ATP2A2: variants seen among roughly 807,000 people sequenced by gnomAD.
ATP2A2 encodes the protein ATPase sarcoplasmic/endoplasmic reticulum Ca2+ transporting 2.
ATP2A2 carries 14 observed loss-of-function variants against 109.3 expected under a neutral mutation model. The observed-to-expected ratio is 0.13, with a 90% CI of 0.08 to 0.20. ATP2A2 has a LOEUF of 0.20. Ranked by LOEUF, ATP2A2 falls within the 10% of genes least tolerant of loss-of-function variation. The pLI, the probability that ATP2A2 is intolerant of heterozygous loss-of-function variation, is 1.00. For missense variants in ATP2A2, 657 were observed against 1,321.6 expected (o/e 0.50, Z 7.80); for synonymous variants, 506 against 490.9 (o/e 1.03, Z -0.41).
chr12:110,335,658 G>A (rs1166228494), intron 11 of ATP2A2, among the ~76,000 whole-genome samples: 1 of 152,190 alleles, frequency 6.6e-6, no homozygotes, highest in African/African-American at 2.4e-5. Context: ...TGGGTCAGTC[G>A]GTCACGTGGG....
At chr12:110,281,945 G>A in intron 1 of ATP2A2, 38 bp downstream of exon 1, 1 of 1,508,514 alleles carries the variant, frequency 6.6e-7, no homozygotes, top group Non-Finnish European at 8.9e-7. Context: ...GCCCGGCGCG[G>A]CCGGGAGAGC....
chr12:110,295,452 A>G (rs748140555), intron 4 of ATP2A2, among the ~76,000 whole-genome samples: 1 of 152,182 alleles, frequency 6.6e-6, no homozygotes, highest in African/African-American at 2.4e-5. Context: ...GGCATGAGCT[A>G]CTGTGCTCAG....
At chr12:110,314,866 C>CTTT (rs372770725) in intron 5 of ATP2A2, among the ~76,000 whole-genome samples, 1 of 139,092 alleles carries the variant, frequency 7.2e-6, no homozygotes, top group African/African-American at 2.6e-5. Context: ...AGAAGATACA[C>CTTT]TTTTTTTTTT....
At chr12:110,332,511 T>G in intron 8 of ATP2A2, 86 bp from the exon 9 acceptor site, 1 of 1,168,718 alleles carries the variant, frequency 8.6e-7, no homozygotes, top group Non-Finnish European at 1.3e-6. Context: ...TTGTTTGCCT[T>G]TGTCCTAAGC....
At chr12:110,280,998 G>A (rs893215325), upstream of ATP2A2, 1 of 152,030 alleles carries the variant, frequency 6.6e-6, no homozygotes, top group East Asian at 1.9e-4. Flanking sequence ...GCACAGAAGA[G>A]GGTACCCAGC....
chr12:110,294,828 T>C (rs186144819), intron 4 of ATP2A2, among the ~76,000 whole-genome samples: 1 of 152,198 alleles, frequency 6.6e-6, no homozygotes, highest in Non-Finnish European at 1.5e-5. Context: ...AGGAGGGCTT[T>C]ATTTTTTTTA....
At chr12:110,289,283 A>G (rs985126280) in intron 3 of ATP2A2, among the ~76,000 whole-genome samples, 1 of 152,200 alleles carries the variant, frequency 6.6e-6, no homozygotes, top group African/African-American at 2.4e-5. Flanking sequence ...TTCTCCCCCA[A>G]GAGCTAATTA....
intron 5 of ATP2A2, among the ~76,000 whole-genome samples, chr12:110,304,044 C>CT (rs1874979054): frequency 6.6e-6 from 1 of 152,198 alleles, no homozygotes; most frequent in African/African-American, 2.4e-5. Context: ...TTGTGGATTA[C>CT]TGTCTGTTTT....
At chr12:110,322,061 G>T (rs1175739968) in intron 5 of ATP2A2, among the ~76,000 whole-genome samples, 1 of 151,998 alleles carries the variant, frequency 6.6e-6, no homozygotes, top group Non-Finnish European at 1.5e-5. Context: ...CGCGATCTCA[G>T]CTCACTGCAA....
At position 110,328,037 on chromosome 12, in the gene ATP2A2, A is replaced by G. The variant is rs1877976768; in HGVS notation, c.1095+20A>G. On this transcript the variant is annotated intron_variant, in intron 8 of 19. Transcript: ENST00000539276. ...TGCAGGGTAAGAGGAGTAATTTAGA[A>G]TATTCCGTGTCGTGGTTCTTTGTTC... The G allele has an allele frequency of 3.1e-6, 5 of 1,604,502 alleles. No homozygotes were observed. The highest frequency in any genetic ancestry group is 1.7e-5 in the Admixed American group (1 of 59,992).
intron 5 of ATP2A2, among the ~76,000 whole-genome samples, chr12:110,303,339 T>C (rs1014207445): frequency 1.3e-5 from 2 of 152,088 alleles, no homozygotes; most frequent in Non-Finnish European, 2.9e-5. Flanking sequence ...GTGATTCTCC[T>C]GCTTCAGTCT....
intron 5 of ATP2A2, among the ~76,000 whole-genome samples, chr12:110,306,606 C>G (rs1359884372): frequency 6.6e-6 from 1 of 152,184 alleles, no homozygotes; most frequent in African/African-American, 2.4e-5. Flanking sequence ...CAAGTGAGAA[C>G]AGACAGTATT....
chr12:110,294,425 T>C (rs1873735983), intron 4 of ATP2A2, among the ~76,000 whole-genome samples: 1 of 152,212 alleles, frequency 6.6e-6, no homozygotes, highest in Non-Finnish European at 1.5e-5. Context: ...TTTGGGAAGC[T>C]GAGGCGGGTG....
intron 11 of ATP2A2, among the ~76,000 whole-genome samples, chr12:110,337,037 G>T (rs1878901311): frequency 6.6e-6 from 1 of 152,168 alleles, no homozygotes; most frequent in South Asian, 2.1e-4. Context: ...ATGTAATGGG[G>T]CTGAACCAGC....
intron 2 of ATP2A2, 31 bp downstream of exon 2, chr12:110,282,652 T>C: frequency 6.2e-7 from 1 of 1,614,066 alleles, no homozygotes; most frequent in South Asian, 1.1e-5. Context: ...CTGTTTTTTT[T>C]CCTCTGTTGG....
chr12:110,292,911 A>G (rs1481575416), intron 4 of ATP2A2, among the ~76,000 whole-genome samples: 1 of 152,154 alleles, frequency 6.6e-6, no homozygotes, highest in Admixed American at 6.5e-5. Flanking sequence ...ACAAACTTTA[A>G]AAGCTACATG....
chr12:110,347,468 G>A lies in ATP2A2; in HGVS notation c.*998G>A. On this transcript the variant is annotated 3_prime_UTR_variant, in exon 20 of 20. Transcript: ENST00000539276. ...TGCTCTGCTGTGTAGGTAGTCATAGGAATTGTATTCTTAATGTACAGGCAC... is the reference window on the plus strand; with the variant it reads ...TGCTCTGCTGTGTAGGTAGTCATAGAAATTGTATTCTTAATGTACAGGCAC... The A allele has an allele frequency of 7.8e-7, 1 of 1,289,028 alleles. No homozygotes were observed. The highest frequency in any genetic ancestry group is 1.2e-5 in the South Asian group (1 of 81,024). The allele number at this position is 1,289,028 out of a possible 1,614,324, so 79.8% of individuals were successfully genotyped here.
At chr12:110,309,771 TG>T (rs1320813668) in intron 5 of ATP2A2, among the ~76,000 whole-genome samples, 1 of 151,928 alleles carries the variant, frequency 6.6e-6, no homozygotes, top group Non-Finnish European at 1.5e-5. Context: ...CTAGGCGTGG[TG>T]GTGCGTACCT....
At position 110,346,708 on chromosome 12, in the gene ATP2A2, A is replaced by AT. The variant is rs1181520668; in HGVS notation, c.*245dup. On this transcript the variant is annotated 3_prime_UTR_variant, in exon 20 of 20. Transcript: ENST00000539276. The stretch of plus-strand genomic sequence containing the variant: ...AGAACTAACACTATTTTATGCAAAT[A>AT]TTTTTTTGTAGATGAAAAAGCATGT... 11 of 1,380,348 alleles carry AT rather than the reference A, an allele frequency of 8.0e-6. No individual in the cohort carries two copies. The highest frequency in any genetic ancestry group is 1.9e-4 in the Middle Eastern group (1 of 5,214). 85.5% of individuals were successfully genotyped at this position (1,380,348 alleles called of 1,614,324 possible).
Sources: gnomAD v4.1 joint callset for allele counts (sites outside exome capture counted in the v4.1 genomes callset) on GRCh38, gnomAD v4.1.1 for gene constraint, MANE v1.5 for transcripts, NCBI Gene and HGNC (gene_info 2026-07-23, HGNC 2026-07-21) for gene names.